EFNA5: variants seen among roughly 807,000 people sequenced by gnomAD.
EFNA5 encodes the protein ephrin A5, also known as ephrin-A5.
Under a neutral mutation model 22.9 loss-of-function variants are expected in EFNA5, and 5 were observed. The observed-to-expected ratio is 0.22, with a 90% confidence interval of 0.11 to 0.46. EFNA5 has a LOEUF of 0.46. Ranked by LOEUF, EFNA5 falls within the 20% of genes least tolerant of loss-of-function variation. EFNA5 has a pLI of 0.99. For missense variants in EFNA5, 237 were observed against 293.3 expected, an observed-to-expected ratio of 0.81 and a Z score of 1.40; for synonymous variants, 113 against 112.2, an observed-to-expected ratio of 1.01 and a Z score of -0.04.
intron 1 of EFNA5, among the ~76,000 whole-genome samples, chr5:107,460,768 T>C (rs1320376040): frequency 1.3e-5 from 2 of 152,184 alleles, no homozygotes; most frequent in Non-Finnish European, 2.9e-5. Context: ...GAGATGCTAA[T>C]CAATTTCAAA....
intron 1 of EFNA5, among the ~76,000 whole-genome samples, chr5:107,610,679 A>T (rs1173450643): frequency 6.6e-6 from 1 of 152,168 alleles, no homozygotes; most frequent in East Asian, 1.9e-4. Flanking sequence ...CAGTGCATAC[A>T]GTGTCAAAGT....
chr5:107,516,229 A>G (rs1188078494), intron 1 of EFNA5, among the ~76,000 whole-genome samples: 1 of 134,658 alleles, frequency 7.4e-6, no homozygotes, highest in Non-Finnish European at 1.7e-5. Context: ...TGGACAGACG[A>G]GTTTACACTA....
chr5:107,496,344 AAAAAAAAAAC>A (rs1485465650), intron 1 of EFNA5, among the ~76,000 whole-genome samples: 7 of 149,766 alleles, frequency 4.7e-5, no homozygotes, highest in African/African-American at 1.2e-4. Flanking sequence ...CTCAAAAAAA[AAAAAAAAAAC>A]AAAAAAACAA....
At chr5:107,546,695 C>A (rs1293308516) in intron 1 of EFNA5, among the ~76,000 whole-genome samples, 1 of 136,670 alleles carries the variant, frequency 7.3e-6, no homozygotes, top group Non-Finnish European at 1.6e-5. Context: ...CACTCTCACC[C>A]CTGGTGTAGG....
At chr5:107,574,232 C>A (rs1245583293) in intron 1 of EFNA5, among the ~76,000 whole-genome samples, 1 of 152,162 alleles carries the variant, frequency 6.6e-6, no homozygotes, top group African/African-American at 2.4e-5. Flanking sequence ...GATTTTTACT[C>A]ATGGCTTCAA....
intron 1 of EFNA5, among the ~76,000 whole-genome samples, chr5:107,637,989 C>T (rs1254168069): frequency 3.3e-5 from 5 of 150,268 alleles, no homozygotes; most frequent in South Asian, 2.1e-4. Flanking sequence ...TGGGACTACA[C>T]GCACCTGCCA....
intron 1 of EFNA5, among the ~76,000 whole-genome samples, chr5:107,515,667 T>G (rs1747460419): frequency 6.6e-6 from 1 of 152,082 alleles, no homozygotes; most frequent in African/African-American, 2.4e-5. Flanking sequence ...AATGAGCCAC[T>G]GCACCCAGCA....
chr5:107,528,825 A>G (rs1747751814), intron 1 of EFNA5, among the ~76,000 whole-genome samples: 2 of 152,192 alleles, frequency 1.3e-5, no homozygotes, highest in Admixed American at 1.3e-4. Context: ...ATTGTGACTG[A>G]TAGGTATATA....
chr5:107,428,054 A>G (rs1748851648), intron 1 of EFNA5, among the ~76,000 whole-genome samples: 1 of 152,228 alleles, frequency 6.6e-6, no homozygotes, highest in Non-Finnish European at 1.5e-5. Flanking sequence ...AACATTTTAC[A>G]GTTAGAAAGA....
chr5:107,474,076 T>C (rs1029049376), intron 1 of EFNA5, among the ~76,000 whole-genome samples: 1 of 144,950 alleles, frequency 6.9e-6, no homozygotes, highest in Admixed American at 7.3e-5. Flanking sequence ...CCTGTACACT[T>C]GAGTTTAGCC....
chr5:107,637,479 A>C (rs1210545086), intron 1 of EFNA5, among the ~76,000 whole-genome samples: 1 of 151,618 alleles, frequency 6.6e-6, no homozygotes, highest in East Asian at 1.9e-4. Context: ...TCAAGACCAA[A>C]TATTCACAGC....
chr5:107,529,862 A>G (rs1396341941), intron 1 of EFNA5, among the ~76,000 whole-genome samples: 1 of 152,240 alleles, frequency 6.6e-6, no homozygotes, highest in African/African-American at 2.4e-5. Flanking sequence ...ACAGCATCCT[A>G]CATACAAATG....
chr5:107,378,649 C>T lies in EFNA5; in HGVS notation c.*2606G>A, dbSNP rs1466997928. Reference sequence around the variant, plus strand: ...AGCTTACTGTCTACTGGTGTGGACACTCTTGCTATTTTCTTTATACTTAAT... The same window carrying T: ...AGCTTACTGTCTACTGGTGTGGACATTCTTGCTATTTTCTTTATACTTAAT... On this transcript the variant is annotated 3_prime_UTR_variant, in exon 5 of 5. Transcript: ENST00000333274. 1 of 152,154 alleles carries T rather than the reference C, an allele frequency of 6.6e-6. No individual in the cohort carries two copies. The highest frequency in any genetic ancestry group is 2.1e-4 in the South Asian group (1 of 4,828). 9.4% of individuals were successfully genotyped at this position (152,154 alleles called of 1,614,324 possible). A position where few individuals can be genotyped will look rare whatever the true frequency, so the allele number is the denominator to read the frequency against.
At chr5:107,548,209 A>G (rs1433041892) in intron 1 of EFNA5, among the ~76,000 whole-genome samples, 1 of 152,364 alleles carries the variant, frequency 6.6e-6, no homozygotes, top group East Asian at 1.9e-4. Flanking sequence ...AATCCAATTC[A>G]TTATTTCAGT....
rs1561443200 is a variant in EFNA5, at chr5:107,592,005, TA to T, written c.125+78483del. Among the ~76,000 whole-genome samples, 47 of 45,140 alleles carry T rather than the reference TA, an allele frequency of 1.0e-3. 6 individuals are homozygous for T. Among genetic ancestry groups the T allele is most frequent in the Middle Eastern group, 0.014 (1 of 74 alleles). The allele number at this position is 45,140 out of a possible 152,430, so 29.6% of individuals were successfully genotyped here. A position where few individuals can be genotyped will look rare whatever the true frequency, so the allele number is the denominator to read the frequency against. The stretch of plus-strand genomic sequence containing the variant: ...TATAATATATAATATATATAATATA[TA>T]ATATATATAATATAATATATATTAT... On this transcript the variant is annotated intron_variant, in intron 1 of 4. Coordinates refer to ENST00000333274, the MANE Select transcript of EFNA5 (RefSeq NM_001962.3).
At chr5:107,435,533 G>A (rs1749090340) in intron 1 of EFNA5, among the ~76,000 whole-genome samples, 1 of 152,032 alleles carries the variant, frequency 6.6e-6, no homozygotes. Flanking sequence ...TGAGAGAAGA[G>A]GACTCATGGA....
intron 1 of EFNA5, among the ~76,000 whole-genome samples, chr5:107,636,169 C>T (rs775149277): frequency 3.9e-5 from 6 of 152,076 alleles, no homozygotes; most frequent in Admixed American, 6.5e-5. Flanking sequence ...TGTGTGTGTA[C>T]ATAAATCTGT....
At chr5:107,631,831 A>G (rs1750260869) in intron 1 of EFNA5, among the ~76,000 whole-genome samples, 1 of 152,228 alleles carries the variant, frequency 6.6e-6, no homozygotes, top group Admixed American at 6.5e-5. Context: ...AGTAATACAT[A>G]TATTTGGATG....
chr5:107,481,073 C>T (rs780236328), intron 1 of EFNA5, among the ~76,000 whole-genome samples: 3 of 152,104 alleles, frequency 2.0e-5, no homozygotes, highest in Non-Finnish European at 4.4e-5. Flanking sequence ...TCCAGAGGTA[C>T]AAGAGTGAAC....
Sources: gnomAD v4.1 joint callset for allele counts (sites outside exome capture counted in the v4.1 genomes callset) on GRCh38, gnomAD v4.1.1 for gene constraint, MANE v1.5 for transcripts, NCBI Gene and HGNC (gene_info 2026-07-23, HGNC 2026-07-21) for gene names.